The following GPC5 variants were observed in gnomAD, a reference collection of about 807,000 sequenced individuals.
GPC5 encodes glypican-5.
GPC5 carries 47 observed loss-of-function variants against 53.9 expected under a neutral mutation model. That is an observed-to-expected ratio of 0.87 (90% CI 0.69 to 1.11). The LOEUF is 1.11. Among genes scored for constraint, GPC5 ranks in the 50% most tolerant of loss-of-function variants. The probability of loss-of-function intolerance (pLI) is 0.00; values close to 1 mark genes in which losing one functional copy is unlikely to be tolerated. For missense variants in GPC5, 748 were observed against 713.1 expected (o/e 1.05, Z -0.56); for synonymous variants, 286 against 263.3 (o/e 1.09, Z -0.84).
At position 92,642,765 on chromosome 13, in the gene GPC5, G is replaced by A. The variant is rs1204087631; in HGVS notation, c.1562-223517G>A. The stretch of plus-strand genomic sequence containing the variant: ...TGTTATTGTTATTGTTGTTGTTCCT[G>A]AAATAGAAGAAACAGAGGAGAGAGA... On this transcript the variant is annotated intron_variant, in intron 7 of 7. Transcript: ENST00000377067. 2.0e-5 allele frequency among the ~76,000 whole-genome samples: 3 copies of A among 152,102 alleles called. No individual in the cohort carries two copies. In the East Asian group the frequency reaches 5.8e-4, roughly 29 times the overall value.
At chr13:92,427,391 A>G (rs558778368) in intron 7 of GPC5, among the ~76,000 whole-genome samples, 3 of 151,014 alleles carry the variant, frequency 2.0e-5, no homozygotes, top group African/African-American at 4.9e-5. Context: ...AATAGAAGAA[A>G]TGCACAAATT....
chr13:91,917,282 A>G (rs2039668850), intron 6 of GPC5, among the ~76,000 whole-genome samples: 1 of 152,230 alleles, frequency 6.6e-6, no homozygotes, highest in African/African-American at 2.4e-5. Context: ...AAAGTTCCCA[A>G]TGATCTCCTT....
In GPC5 at chr13:92,864,170, A is replaced by G. The variant is rs117610620; in HGVS notation, c.1562-2112A>G. Among the ~76,000 whole-genome samples, 1,008 of 152,338 alleles carry G rather than the reference A, an allele frequency of 6.6e-3. 13 individuals carry two copies. Among genetic ancestry groups the G allele is most frequent in the Middle Eastern group, 0.01 (3 of 294 alleles). On this transcript the variant is annotated intron_variant, in intron 7 of 7. Transcript: ENST00000377067. ...AGATGACAAGGTTGTGATTTGATCC[A>G]TAACTACGGCCATGACTGCCAGGCT...
intron 7 of GPC5, among the ~76,000 whole-genome samples, chr13:92,845,354 A>C (rs963511641): frequency 6.6e-6 from 1 of 152,118 alleles, no homozygotes; most frequent in Non-Finnish European, 1.5e-5. Context: ...AGGAAGGCCC[A>C]TGGTGTTATC....
chr13:92,326,503 T>C (rs1187427844), intron 7 of GPC5, among the ~76,000 whole-genome samples: 3 of 152,110 alleles, frequency 2.0e-5, no homozygotes, highest in Non-Finnish European at 2.9e-5. Context: ...TCTATTAGTC[T>C]TTGTATTATG....
chr13:91,949,352 C>T (rs1021756541), intron 6 of GPC5, among the ~76,000 whole-genome samples: 5 of 152,040 alleles, frequency 3.3e-5, no homozygotes, highest in African/African-American at 1.2e-4. Context: ...AATGGTTTTA[C>T]CACTACAGTA....
At chr13:91,970,994 A>G (rs537130606) in intron 6 of GPC5, among the ~76,000 whole-genome samples, 12 of 152,106 alleles carry the variant, frequency 7.9e-5, no homozygotes, top group African/African-American at 2.9e-4. Flanking sequence ...ATGAGTTAGG[A>G]AGGATTCCCT....
chr13:92,130,567 T>A (rs1451478524), intron 6 of GPC5, among the ~76,000 whole-genome samples: 1 of 152,070 alleles, frequency 6.6e-6, no homozygotes, highest in Non-Finnish European at 1.5e-5. Flanking sequence ...GAACACTTAA[T>A]TTTTTGTGGG....
chr13:91,699,121 G>A (rs1189290033), intron 3 of GPC5, among the ~76,000 whole-genome samples: 2 of 152,218 alleles, frequency 1.3e-5, no homozygotes, highest in African/African-American at 2.4e-5. Context: ...TGTTGGATAT[G>A]TAGAGTGTGT....
chr13:92,655,820 T>A (rs1886115211), intron 7 of GPC5, among the ~76,000 whole-genome samples: 1 of 152,266 alleles, frequency 6.6e-6, no homozygotes, highest in African/African-American at 2.4e-5. Context: ...TAAGCTTACT[T>A]AAACTCTAAA....
At chr13:92,278,070 C>A (rs879712022) in intron 7 of GPC5, among the ~76,000 whole-genome samples, 4 of 151,682 alleles carry the variant, frequency 2.6e-5, no homozygotes, top group African/African-American at 9.7e-5. Flanking sequence ...TCCTAGCACT[C>A]TCAAGAAAGA....
chr13:92,646,735 T>A (rs1320568882), intron 7 of GPC5, among the ~76,000 whole-genome samples: 1 of 152,060 alleles, frequency 6.6e-6, no homozygotes, highest in African/African-American at 2.4e-5. Context: ...AAATCTTGCT[T>A]ATATTTTACT....
intron 2 of GPC5, among the ~76,000 whole-genome samples, chr13:91,576,078 A>G (rs2032121463): frequency 6.6e-6 from 1 of 152,110 alleles, no homozygotes; most frequent in African/African-American, 2.4e-5. Flanking sequence ...GCAGTGTAGG[A>G]TGGAGATTAC....
At chr13:92,055,896 C>T (rs1311803433) in intron 6 of GPC5, among the ~76,000 whole-genome samples, 1 of 152,120 alleles carries the variant, frequency 6.6e-6, no homozygotes, top group Non-Finnish European at 1.5e-5. Flanking sequence ...CAGAGCATTT[C>T]TGAATCCCAG....
intron 6 of GPC5, among the ~76,000 whole-genome samples, chr13:91,940,851 T>C (rs2039920140): frequency 6.6e-6 from 1 of 152,138 alleles, no homozygotes; most frequent in Non-Finnish European, 1.5e-5. Context: ...TATTTGTTTT[T>C]TGCTTGTTTA....
intron 7 of GPC5, among the ~76,000 whole-genome samples, chr13:92,821,414 T>C (rs1009016599): frequency 6.6e-6 from 1 of 152,172 alleles, no homozygotes; most frequent in Non-Finnish European, 1.5e-5. Flanking sequence ...CATATTCATC[T>C]CAATGGTCCC....
chr13:91,796,288 C>T (rs2038045311), intron 5 of GPC5, among the ~76,000 whole-genome samples: 1 of 152,164 alleles, frequency 6.6e-6, no homozygotes, highest in Non-Finnish European at 1.5e-5. Context: ...GCAGTGGGCG[C>T]CTTGCTGGAT....
intron 2 of GPC5, among the ~76,000 whole-genome samples, chr13:91,496,909 G>A (rs1457171411): frequency 2.0e-5 from 3 of 152,094 alleles, no homozygotes; most frequent in Non-Finnish European, 4.4e-5. Flanking sequence ...CACCTAATAT[G>A]TACCCGCAAC....
At position 91,897,368 on chromosome 13, in the gene GPC5, T is replaced by TGTGTGTGTGC. The variant is rs1555295196; in HGVS notation, c.1281-10568_1281-10567insTGTGTGTGCG. Among the ~76,000 whole-genome samples, 132 of 149,536 alleles carry TGTGTGTGTGC rather than the reference T, an allele frequency of 8.8e-4. 1 individual carries two copies. The Middle Eastern group carries it at 0.014, about 16-fold the overall frequency. ...GTGTGTGTGTGTGTGTGTGTGTGTG[T>TGTGTGTGTGC]GCGCCTGTGCATGTGTATGCATTTC... On this transcript the variant is annotated intron_variant, in intron 5 of 7. Transcript: ENST00000377067.
Sources: gnomAD v4.1 joint callset for allele counts (sites outside exome capture counted in the v4.1 genomes callset) on GRCh38, gnomAD v4.1.1 for gene constraint, MANE v1.5 for transcripts, NCBI Gene and HGNC (gene_info 2026-07-23, HGNC 2026-07-21) for gene names.